Variants in LRFN5 observed in about 807,000 individuals in gnomAD.
The protein encoded by LRFN5 is leucine-rich repeat and fibronectin type-III domain-containing protein 5.
LRFN5 carries 24 observed loss-of-function variants against 45.6 expected under a neutral mutation model. The observed-to-expected ratio is 0.53, with a 90% CI of 0.38 to 0.74. The LOEUF is 0.74. LRFN5 is among the 30% of genes least tolerant of loss of function. The pLI is 0.00. For synonymous variants in LRFN5, 340 were observed against 313.8 expected (o/e 1.08, Z -0.88); for missense variants, 776 against 861.5 (o/e 0.90, Z 1.24).
rs866120403 is a variant in LRFN5, at chr14:41,675,395, G to C, written c.-197+66833G>C. On this transcript the variant is annotated intron_variant, in intron 1 of 5. Transcript: ENST00000298119. ...GCTGGCGGATCACTCGCTGTTAGGA[G>C]CTGGAGACCAGCCCGGCCAACACAG... Among the ~76,000 whole-genome samples the C allele has an allele frequency of 3.3e-5, 5 of 152,380 alleles. 1 individual carries two copies. Among genetic ancestry groups the C allele is most frequent in the African/African-American group, 1.2e-4 (5 of 41,604 alleles).
rs192127714 is a variant in LRFN5, at chr14:41,772,058, A to C, written c.-21+5029A>C. ...TGAGGGCCTTAGGAAGCTTACCGTC[A>C]TGGCAGAAGGCAAAGCAGTACCCAG... On this transcript the variant is annotated intron_variant, in intron 2 of 5. Transcript: ENST00000298119. Among the ~76,000 whole-genome samples the C allele has an allele frequency of 1.4e-4, 21 of 152,310 alleles. No homozygotes were observed. In the East Asian group the frequency reaches 2.3e-3, roughly 17 times the overall value.
At chr14:41,792,489 A>G (rs1013119675) in intron 2 of LRFN5, among the ~76,000 whole-genome samples, 1 of 151,908 alleles carries the variant, frequency 6.6e-6, no homozygotes, top group African/African-American at 2.4e-5. Flanking sequence ...CACATAAAAC[A>G]CACACTCCCA....
At position 41,820,485 on chromosome 14, in the gene LRFN5, A is replaced by G. The variant is rs556587108; in HGVS notation, c.-21+53456A>G. Among the ~76,000 whole-genome samples the G allele has an allele frequency of 1.7e-4, 26 of 152,154 alleles. 1 individual carries two copies. In the South Asian group the frequency reaches 2.7e-3, roughly 16 times the overall value. On this transcript the variant is annotated intron_variant, in intron 2 of 5. Transcript: ENST00000298119. ...TATTGATCCATGTGTCTATTTTTAT[A>G]CCAGTACCATACTGTTTTGGTTACT...
chr14:41,674,444 A>T (rs1881474125), intron 1 of LRFN5, among the ~76,000 whole-genome samples: 1 of 110,922 alleles, frequency 9.0e-6, no homozygotes, highest in Non-Finnish European at 1.8e-5. Flanking sequence ...ACTTCCCAGT[A>T]GGGGCGGCCG....
chr14:41,855,371 A>G (rs1889416953), intron 2 of LRFN5, among the ~76,000 whole-genome samples: 1 of 152,142 alleles, frequency 6.6e-6, no homozygotes, highest in Non-Finnish European at 1.5e-5. Flanking sequence ...ATTTGGAAGT[A>G]GATAATGAGC....
chr14:41,893,458 A>G (rs963326964), intron 4 of LRFN5: 5 of 984,984 alleles, frequency 5.1e-6, no homozygotes, highest in Non-Finnish European at 6.0e-6. Flanking sequence ...AAGAAATGAC[A>G]TTTTAGCCAT....
intron 2 of LRFN5, among the ~76,000 whole-genome samples, chr14:41,823,187 C>T (rs945542814): frequency 1.3e-5 from 2 of 151,762 alleles, no homozygotes; most frequent in Admixed American, 1.3e-4. Flanking sequence ...TAAGTGTTAC[C>T]TAGTTGTTTT....
At chr14:41,639,606 A>G (rs1879468592) in intron 1 of LRFN5, among the ~76,000 whole-genome samples, 1 of 152,156 alleles carries the variant, frequency 6.6e-6, no homozygotes. Context: ...ATATGATTTC[A>G]TAGGTAAAAT....
intron 1 of LRFN5, among the ~76,000 whole-genome samples, chr14:41,744,646 G>A (rs1395878734): frequency 2.6e-5 from 4 of 151,958 alleles, no homozygotes; most frequent in African/African-American, 4.8e-5. Flanking sequence ...CTGTTCACAA[G>A]AGACTCAGTT....
intron 1 of LRFN5, among the ~76,000 whole-genome samples, chr14:41,640,122 C>G (rs936111346): frequency 6.6e-6 from 1 of 151,650 alleles, no homozygotes; most frequent in Non-Finnish European, 1.5e-5. Context: ...TCGGGCCATA[C>G]CCCTGGGATC....
intron 1 of LRFN5, among the ~76,000 whole-genome samples, chr14:41,640,203 C>A (rs887934772): frequency 6.6e-6 from 1 of 151,870 alleles, no homozygotes; most frequent in Non-Finnish European, 1.5e-5. Context: ...CGTCTGAAGG[C>A]CCTGACATTC....
At chr14:41,706,125 A>T (rs1883055858) in intron 1 of LRFN5, among the ~76,000 whole-genome samples, 1 of 151,462 alleles carries the variant, frequency 6.6e-6, no homozygotes, top group African/African-American at 2.4e-5. Flanking sequence ...TTTGACACAG[A>T]GTTTTGCACT....
intron 2 of LRFN5, among the ~76,000 whole-genome samples, chr14:41,800,894 A>G (rs1887305176): frequency 6.6e-6 from 1 of 151,996 alleles, no homozygotes; most frequent in Non-Finnish European, 1.5e-5. Flanking sequence ...GAGCAGGGCC[A>G]TCAAGAAAAA....
intron 1 of LRFN5, among the ~76,000 whole-genome samples, chr14:41,615,254 A>T (rs867296441): frequency 2.6e-5 from 4 of 152,032 alleles, no homozygotes; most frequent in Non-Finnish European, 5.9e-5. Context: ...TTTTATATAG[A>T]TGTATTATAA....
At chr14:41,716,266 A>T (rs1440359604) in intron 1 of LRFN5, among the ~76,000 whole-genome samples, 1 of 152,088 alleles carries the variant, frequency 6.6e-6, no homozygotes, top group African/African-American at 2.4e-5. Context: ...GGGGATTAAC[A>T]TTGGGCTCCT....
intron 1 of LRFN5, among the ~76,000 whole-genome samples, chr14:41,656,517 C>T (rs925318242): frequency 1.3e-5 from 2 of 151,788 alleles, no homozygotes; most frequent in African/African-American, 4.8e-5. Flanking sequence ...TTGATGAATT[C>T]AAATCTTCCA....
intron 1 of LRFN5, among the ~76,000 whole-genome samples, chr14:41,726,609 A>C (rs1883945878): frequency 6.6e-6 from 1 of 151,340 alleles, no homozygotes; most frequent in East Asian, 1.9e-4. Flanking sequence ...CCATGAACAA[A>C]ATAATGGTTC....
chr14:41,815,763 T>A (rs1294591233), intron 2 of LRFN5, among the ~76,000 whole-genome samples: 1 of 151,438 alleles, frequency 6.6e-6, no homozygotes, highest in Non-Finnish European at 1.5e-5. Flanking sequence ...AAAATAAATA[T>A]AAATAAATAA....
intron 2 of LRFN5, among the ~76,000 whole-genome samples, chr14:41,780,992 T>G (rs1886461411): frequency 2.6e-5 from 4 of 152,188 alleles, no homozygotes. Flanking sequence ...TTTCTGTCAT[T>G]CATTTCACAT....
Sources: allele counts gnomAD v4.1 joint callset (sites outside exome capture counted in the v4.1 genomes callset), GRCh38; gene constraint gnomAD v4.1.1; transcripts MANE v1.5; gene names NCBI Gene and HGNC (gene_info 2026-07-23, HGNC 2026-07-21).